TFDP1: variants seen among roughly 807,000 people sequenced by gnomAD.
TFDP1 encodes the protein transcription factor Dp-1, also known as DRTF1-polypeptide 1.
TFDP1 carries 6 observed loss-of-function variants against 48.0 expected under a neutral mutation model. That is an observed-to-expected ratio of 0.13 (90% confidence interval 0.07 to 0.25). The LOEUF (loss-of-function observed/expected upper bound fraction) is 0.25, where lower values mean the gene tolerates loss of function less well. Among genes scored for constraint, TFDP1 ranks in the 10% least tolerant of loss-of-function variants. The probability of loss-of-function intolerance (pLI) is 1.00; values close to 1 mark genes in which losing one functional copy is unlikely to be tolerated. For synonymous variants in TFDP1, 201 were observed against 211.6 expected, an observed-to-expected ratio of 0.95 and a Z score of 0.44; for missense variants, 335 against 543.0, an observed-to-expected ratio of 0.62 and a Z score of 3.81.
In TFDP1 at chr13:113,634,524, G is replaced by C. The variant is rs750009835; in HGVS notation, c.619-10G>C. 5.6e-6 allele frequency: 9 copies of C among 1,611,156 alleles called. No individual in the cohort carries two copies. ...TGATGATTCTTCACATGGGTGGTTT[G>C]TTTTTGAAGGTGGAAAGACAGAGGA... is the stretch of plus-strand genomic sequence containing the variant. On this transcript the variant is annotated splice_polypyrimidine_tract_variant and intron_variant, in intron 7 of 11. Transcript: ENST00000375370.
chr13:113,629,732 C>T (rs780991846), intron 4 of TFDP1, among the ~76,000 whole-genome samples: 33 of 152,246 alleles, frequency 2.2e-4, no homozygotes, highest in Non-Finnish European at 4.4e-4. Flanking sequence ...GCGGGTTTAT[C>T]GGGATGTTCC....
chr13:113,610,699 G>T (rs529372460), intron 2 of TFDP1, among the ~76,000 whole-genome samples: 2 of 152,224 alleles, frequency 1.3e-5, no homozygotes, highest in African/African-American at 4.8e-5. Context: ...ACATTCTATT[G>T]TGAACATTTT....
intron 8 of TFDP1, 53 bp from the exon 9 acceptor site, chr13:113,635,924 G>A (rs2049474333): frequency 6.3e-7 from 1 of 1,583,720 alleles, no homozygotes; most frequent in East Asian, 2.2e-5. Flanking sequence ...TCGAGCACAG[G>A]GGCTGCGTTC....
intron 2 of TFDP1, among the ~76,000 whole-genome samples, chr13:113,594,146 G>A (rs569449295): frequency 9.6e-5 from 14 of 146,532 alleles, no homozygotes; most frequent in East Asian, 8.3e-4. Flanking sequence ...TGTGGTGTGC[G>A]CGGGTCCTCA....
chr13:113,631,802 A>G, intron 5 of TFDP1, 58 bp downstream of exon 5: 3 of 1,599,122 alleles, frequency 1.9e-6, no homozygotes, highest in South Asian at 2.2e-5. Flanking sequence ...TCGCACCTCC[A>G]CGTTCTCCTG....
chr13:113,587,996 CA>C (rs1207767138), intron 2 of TFDP1, among the ~76,000 whole-genome samples: 6 of 152,156 alleles, frequency 3.9e-5, no homozygotes, highest in Non-Finnish European at 7.3e-5. Flanking sequence ...GCTGGGATTA[CA>C]GGCGCGCCAC....
At chr13:113,615,816 G>A (rs1396553137) in intron 3 of TFDP1, among the ~76,000 whole-genome samples, 1 of 152,174 alleles carries the variant, frequency 6.6e-6, no homozygotes, top group African/African-American at 2.4e-5. Flanking sequence ...GGAGGCTGGG[G>A]CAGGAGGATC....
At chr13:113,610,316 C>T (rs2140395151) in intron 2 of TFDP1, among the ~76,000 whole-genome samples, 1 of 151,918 alleles carries the variant, frequency 6.6e-6, no homozygotes, top group East Asian at 1.9e-4. Context: ...CGTGTGTGCC[C>T]TGACGTGTGA....
At chr13:113,585,646 T>G in intron 1 of TFDP1, 128 bp from the exon 2 acceptor site, 1 of 554,630 alleles carries the variant, frequency 1.8e-6, no homozygotes. Context: ...CCAGCTCCGC[T>G]CTCAGGATGG....
intron 11 of TFDP1, among the ~76,000 whole-genome samples, chr13:113,638,472 G>C (rs1016364638): frequency 6.6e-6 from 1 of 151,252 alleles, no homozygotes; most frequent in Non-Finnish European, 1.5e-5. Context: ...CACGTGCTGC[G>C]ATCACAGTGC....
intron 4 of TFDP1, among the ~76,000 whole-genome samples, chr13:113,625,328 C>T (rs75957603): frequency 0.059 from 3,384 of 57,512 alleles, 2 homozygotes; most frequent in African/African-American, 0.11. Context: ...GTTTCTCAGG[C>T]GTCTCTCACG....
At chr13:113,631,779 G>C (rs2049343202) in intron 5 of TFDP1, 35 bp downstream of exon 5, 1 of 1,608,934 alleles carries the variant, frequency 6.2e-7, no homozygotes, top group Non-Finnish European at 8.5e-7. Flanking sequence ...AGAGTTGTAG[G>C]ACTGCTTGCG....
intron 10 of TFDP1, 70 bp from the exon 11 acceptor site, chr13:113,637,748 T>C: frequency 6.2e-7 from 1 of 1,613,838 alleles, no homozygotes; most frequent in Non-Finnish European, 8.5e-7. Flanking sequence ...CGCGTCATTT[T>C]GTTGGTTGCC....
chr13:113,635,173 C>T (rs573969451), intron 8 of TFDP1, among the ~76,000 whole-genome samples: 6 of 152,274 alleles, frequency 3.9e-5, no homozygotes, highest in African/African-American at 1.2e-4. Flanking sequence ...TGAGGGTGGG[C>T]GGCACCACTG....
chr13:113,625,735 ACGTGTCCTCAGGCG>A (rs2049144773), intron 4 of TFDP1, among the ~76,000 whole-genome samples: 12 of 44,806 alleles, frequency 2.7e-4, no homozygotes, highest in Non-Finnish European at 4.6e-4. Context: ...GGCGTCTCTC[ACGTGTCCTCAGGCG>A]TCTCTCACGT....
chr13:113,631,114 C>T (rs1269940833), intron 4 of TFDP1, among the ~76,000 whole-genome samples: 2 of 152,248 alleles, frequency 1.3e-5, no homozygotes, highest in African/African-American at 4.8e-5. Context: ...CCTGCCTGTG[C>T]TTTTGTCTTT....
At chr13:113,615,007 C>A (rs143646954) in intron 3 of TFDP1, among the ~76,000 whole-genome samples, 1 of 152,134 alleles carries the variant, frequency 6.6e-6, no homozygotes, top group African/African-American at 2.4e-5. Context: ...GATAGAGCAC[C>A]GTCAGGTTGA....
At position 113,607,760 on chromosome 13, in the gene TFDP1, C is replaced by T. The variant is rs1455070577; in HGVS notation, c.13-3236C>T. ...AAGGAGGGGCTGTGCCAGTGGGTGGCGGTGACGGGGGCCAGTGGTTTCCTG... is the reference window on the plus strand; with the variant it reads ...AAGGAGGGGCTGTGCCAGTGGGTGGTGGTGACGGGGGCCAGTGGTTTCCTG... On this transcript the variant is annotated intron_variant, in intron 2 of 11. Coordinates refer to ENST00000375370, the MANE Select transcript of TFDP1 (RefSeq NM_007111.5). This position sits in a 1 kb window ranked among gnomAD's most constrained non-coding sequence, Gnocchi z 5.2. Among the ~76,000 whole-genome samples, 4 of 152,110 alleles carry T rather than the reference C, an allele frequency of 2.6e-5. No homozygotes were observed. Among genetic ancestry groups the T allele is most frequent in the Non-Finnish European group, 4.4e-5 (3 of 68,002 alleles).
chr13:113,636,418 C>T lies in TFDP1; in HGVS notation c.840-116C>T, dbSNP rs915798471. ...AAATTCTGTGAGGAGACACTGATGA[C>T]TGGGAACCGGGAAGCTGTGTGTGGC... On this transcript the variant is annotated intron_variant, in intron 9 of 11. Transcript: ENST00000375370. 3.3e-6 allele frequency: 4 copies of T among 1,219,874 alleles called. No homozygotes were observed. In the Admixed American group the frequency reaches 8.3e-5, roughly 25 times the overall value. The allele number at this position is 1,219,874 out of a possible 1,614,324, so 75.6% of individuals were successfully genotyped here.
Sources: gnomAD v4.1 joint callset for allele counts (sites outside exome capture counted in the v4.1 genomes callset) on GRCh38, gnomAD v4.1.1 for gene constraint, Gnocchi (gnomAD v3.1) non-coding constraint, MANE v1.5 for transcripts, NCBI Gene and HGNC (gene_info 2026-07-23, HGNC 2026-07-21) for gene names.